Variants in GLUD1 observed in about 807,000 individuals in gnomAD.
The protein encoded by GLUD1 is glutamate dehydrogenase 1, mitochondrial.
GLUD1 carries 22 observed loss-of-function variants against 56.0 expected under a neutral mutation model. The observed-to-expected ratio is 0.39, with a 90% confidence interval of 0.28 to 0.56. The LOEUF is 0.56. Ranked by LOEUF, GLUD1 falls within the 20% of genes least tolerant of loss-of-function variation. The probability of loss-of-function intolerance (pLI) is 0.58; values close to 1 mark genes in which losing one functional copy is unlikely to be tolerated. For synonymous variants in GLUD1, 223 were observed against 269.9 expected (o/e 0.83, Z 1.70); for missense variants, 451 against 732.0 (o/e 0.62, Z 4.43).
chr10:87,061,912 T>C (rs1845946842), intron 6 of GLUD1, among the ~76,000 whole-genome samples: 1 of 152,022 alleles, frequency 6.6e-6, no homozygotes, highest in Admixed American at 6.6e-5. Context: ...GCCTCCAGAG[T>C]AGCTGGGACT....
At chr10:87,058,017 C>T (rs549853970) in intron 10 of GLUD1, among the ~76,000 whole-genome samples, 40 of 152,142 alleles carry the variant, frequency 2.6e-4, no homozygotes, top group Non-Finnish European at 5.1e-4. Flanking sequence ...TACAGGTGCG[C>T]GCCACCACGC....
At position 87,051,583 on chromosome 10, in the gene GLUD1, C is replaced by T; in HGVS notation, c.*168G>A. The T allele has an allele frequency of 1.2e-6, 1 of 813,922 alleles. No individual in the cohort carries two copies. Among genetic ancestry groups the T allele is most frequent in the Admixed American group, 1.8e-5 (1 of 56,108 alleles). The allele number at this position is 813,922 out of a possible 1,614,324, so 50.4% of individuals were successfully genotyped here. ...CTCAGCTTGTACATGATCCGCTAAC[C>T]TTAATTTCTTTCTCCTTAACGGGCT... On this transcript the variant is annotated 3_prime_UTR_variant, in exon 13 of 13. Coordinates refer to ENST00000277865, the MANE Select transcript of GLUD1 (RefSeq NM_005271.5).
At chr10:87,078,193 G>C (rs1461810015) in intron 1 of GLUD1, among the ~76,000 whole-genome samples, 1 of 152,144 alleles carries the variant, frequency 6.6e-6, no homozygotes, top group Non-Finnish European at 1.5e-5. Flanking sequence ...ACTATATCTT[G>C]TGTATAACTG....
intron 5 of GLUD1, among the ~76,000 whole-genome samples, chr10:87,065,788 T>C (rs1335182745): frequency 6.6e-6 from 1 of 152,200 alleles, no homozygotes; most frequent in East Asian, 1.9e-4. Flanking sequence ...TAGATTATTA[T>C]TCATCTAATG....
intron 11 of GLUD1, among the ~76,000 whole-genome samples, chr10:87,054,471 G>A (rs1675005736): frequency 6.6e-6 from 1 of 152,194 alleles, no homozygotes; most frequent in Non-Finnish European, 1.5e-5. Context: ...TGGAAGCTAA[G>A]AGAAGAAAAT....
chr10:87,057,075 C>G lies in GLUD1; in HGVS notation c.1494+616G>C, dbSNP rs563113336. Reference sequence around the variant, plus strand: ...GTGCAATCTCGGCTAACTGCAACCTCCACCTCCCGGGTTCAAGTGATTCTC... The same window carrying G: ...GTGCAATCTCGGCTAACTGCAACCTGCACCTCCCGGGTTCAAGTGATTCTC... On this transcript the variant is annotated intron_variant, in intron 11 of 12. Transcript: ENST00000277865. Among the ~76,000 whole-genome samples the G allele has an allele frequency of 3.2e-3, 487 of 152,192 alleles. 1 individual carries two copies. Among genetic ancestry groups the G allele is most frequent in the Non-Finnish European group, 4.5e-3 (306 of 68,018 alleles).
intron 1 of GLUD1, among the ~76,000 whole-genome samples, chr10:87,082,335 A>G (rs1841282179): frequency 6.6e-6 from 1 of 152,224 alleles, no homozygotes; most frequent in South Asian, 2.1e-4. Flanking sequence ...GTGTATAACA[A>G]AAGACATGTT....
In GLUD1 at chr10:87,053,372, G is replaced by A. The variant is rs1194455614; in HGVS notation, c.1527C>T (p.Gly509=). The A allele has an allele frequency of 1.9e-6, 3 of 1,612,114 alleles. No individual in the cohort carries two copies. The highest frequency in any genetic ancestry group is 1.7e-5 in the Admixed American group (1 of 60,004). ...GASEKDIVHS[G]LAYTMERSAR... ...CAGAACGCTCCATTGTGTATGCCAA[G>A]CCAGAGTGCACGATGTCTTTCTCAG... The change falls in exon 12 of 13, where the codon GGC becomes GGT. Residue 509 remains glycine, a synonymous_variant. Transcript: ENST00000277865.
At chr10:87,084,987 G>A (rs1157572251) in intron 1 of GLUD1, among the ~76,000 whole-genome samples, 3 of 152,152 alleles carry the variant, frequency 2.0e-5, no homozygotes, top group Non-Finnish European at 4.4e-5. Context: ...GAAATACTAC[G>A]TCTCAGATAA....
At chr10:87,061,911 G>A (rs1302632609) in intron 6 of GLUD1, among the ~76,000 whole-genome samples, 1 of 152,202 alleles carries the variant, frequency 6.6e-6, no homozygotes, top group Admixed American at 6.5e-5. Context: ...AGCCTCCAGA[G>A]TAGCTGGGAC....
rs201114912 is a variant in GLUD1 at position 87,056,115 on chromosome 10, C to CAAA, written c.1494+1573_1494+1575dup. 2.3e-3 allele frequency among the ~76,000 whole-genome samples: 145 copies of CAAA among 62,626 alleles called. 1 individual carries two copies. Among genetic ancestry groups the CAAA allele is most frequent in the Middle Eastern group, 0.026 (1 of 38 alleles). 41.1% of individuals were successfully genotyped at this position (62,626 alleles called of 152,430 possible). On this transcript the variant is annotated intron_variant, in intron 11 of 12. Transcript: ENST00000277865. ...TGGGTGACAGATCGAGACTCTGTCT[C>CAAA]AAAAAAAAAAAAAAAAAAAAAAAAA...
At position 87,074,516 on chromosome 10, in the gene GLUD1, C is replaced by T. The variant is rs368045096; in HGVS notation, c.646+35G>A. ...AAAAAAAAAAAATTTTTAGATGTTCCCACTTTATACCAAAAACTATGTGGC... is the reference window on the plus strand; with the variant it reads ...AAAAAAAAAAAATTTTTAGATGTTCTCACTTTATACCAAAAACTATGTGGC... On this transcript the variant is annotated intron_variant, in intron 4 of 12. Coordinates refer to ENST00000277865, the MANE Select transcript of GLUD1 (RefSeq NM_005271.5). 5 of 1,282,510 alleles carry T rather than the reference C, an allele frequency of 3.9e-6. No individual in the cohort carries two copies. In the African/African-American group the frequency reaches 7.3e-5, roughly 19 times the overall value. 79.4% of individuals were successfully genotyped at this position (1,282,510 alleles called of 1,614,324 possible).
chr10:87,085,031 CAT>C (rs1216046830), intron 1 of GLUD1, among the ~76,000 whole-genome samples: 1 of 152,144 alleles, frequency 6.6e-6, no homozygotes, highest in Non-Finnish European at 1.5e-5. Flanking sequence ...AGGAGCACTG[CAT>C]ATAGGAGCTA....
At chr10:87,068,438 T>C (rs1367430696) in intron 4 of GLUD1, among the ~76,000 whole-genome samples, 2 of 152,232 alleles carry the variant, frequency 1.3e-5, no homozygotes, top group Non-Finnish European at 2.9e-5. Flanking sequence ...CCATAGGATT[T>C]CTGAGTGTGC....
Position 87,060,926 on chromosome 10 carries a change from C to T in GLUD1, c.1048G>A (p.Asp350Asn). Residue 350 changes from aspartate (D) to asparagine (N), a missense_variant, in exon 7 of 13, where the codon GAC becomes AAC. Physicochemically the swap from Asp to Asn is conservative, Grantham distance 23. Transcript: ENST00000277865. Reference sequence around the variant, plus strand: ...AAATGTATTAATACCAATTTGAAGTCTTCCAGTTCCTTTGGGTCAATACCA... The same window carrying T: ...AAATGTATTAATACCAATTTGAAGTTTTCCAGTTCCTTTGGGTCAATACCA... ...PDGIDPKELE[D>N]FKLQHGSILG... 1.2e-6 allele frequency: 2 copies of T among 1,614,082 alleles called. No individual in the cohort carries two copies. Among genetic ancestry groups the T allele is most frequent in the Non-Finnish European group, 1.7e-6 (2 of 1,179,950 alleles).
intron 1 of GLUD1, chr10:87,089,616 C>G (rs1841465584): frequency 3.0e-6 from 3 of 985,360 alleles, no homozygotes; most frequent in African/African-American, 3.5e-5. Context: ...GCTGCAGAAT[C>G]TTCTAGGTGT....
At position 87,060,201 on chromosome 10, in the gene GLUD1, G is replaced by A; in HGVS notation, c.1238C>T (p.Ala413Val). ...EGANGPTTPE[A>V]DKIFLERNIM... ...GTTTCTCTCCAGGAAGATCTTGTCA[G>A]CTTCTGGAGTTGTTGGCCCATTGGC... The change falls in exon 9 of 13, where the codon GCT becomes GTT. Residue 413 changes from alanine to valine, a missense_variant. Ala to Val is a moderately conservative substitution (Grantham distance 64). Transcript: ENST00000277865. 6.2e-7 allele frequency: 1 copy of A among 1,611,756 alleles called. No homozygotes were observed. Among genetic ancestry groups the A allele is most frequent in the East Asian group, 2.2e-5 (1 of 44,868 alleles).
chr10:87,091,141 T>A (rs1841502051), intron 1 of GLUD1, among the ~76,000 whole-genome samples: 1 of 152,184 alleles, frequency 6.6e-6, no homozygotes, highest in Non-Finnish European at 1.5e-5. Context: ...GAGAACTCCA[T>A]CTACGGTCCA....
At chr10:87,065,520 C>T (rs1846053602) in intron 5 of GLUD1, among the ~76,000 whole-genome samples, 1 of 152,208 alleles carries the variant, frequency 6.6e-6, no homozygotes, top group South Asian at 2.1e-4. Flanking sequence ...CTGTGAAGCA[C>T]GGCCCCTTGA....
Sources: allele counts gnomAD v4.1 joint callset (sites outside exome capture counted in the v4.1 genomes callset), GRCh38; gene constraint gnomAD v4.1.1; transcripts MANE v1.5; gene names NCBI Gene and HGNC (gene_info 2026-07-23, HGNC 2026-07-21).